COBL: variants seen among roughly 807,000 people sequenced by gnomAD.
COBL encodes the protein cordon-bleu WH2 repeat protein, also known as protein cordon-bleu.
A neutral mutation model predicts 98.8 loss-of-function variants in COBL; 51 were observed. The observed-to-expected ratio is 0.52, with a 90% CI of 0.41 to 0.65. COBL has a LOEUF of 0.65. Ranked by LOEUF, COBL falls within the 30% of genes least tolerant of loss-of-function variation. COBL has a pLI of 0.00. For synonymous variants in COBL, 634 were observed against 651.7 expected, an observed-to-expected ratio of 0.97 and a Z score of 0.41; for missense variants, 1,617 against 1,617.5, an observed-to-expected ratio of 1.00 and a Z score of 0.01.
At chr7:51,260,134 C>A in intron 1 of COBL, 1 of 1,428,892 alleles carries the variant, frequency 7.0e-7, no homozygotes, top group Non-Finnish European at 9.7e-7. Flanking sequence ...TTTTCTGGAA[C>A]CAAAGGGATT....
chr7:51,083,033 T>C, intron 7 of COBL: 1 of 1,534,598 alleles, frequency 6.5e-7, no homozygotes, highest in Non-Finnish European at 8.7e-7. Context: ...GTTAACACAG[T>C]CGGAATGAAG....
At chr7:51,057,644 C>G (rs1259238999) in intron 7 of COBL, among the ~76,000 whole-genome samples, 1 of 152,156 alleles carries the variant, frequency 6.6e-6, no homozygotes, top group African/African-American at 2.4e-5. Context: ...GACTACACAG[C>G]CAGCAAATTA....
At chr7:51,060,467 A>C (rs568575394) in intron 7 of COBL, among the ~76,000 whole-genome samples, 1 of 152,266 alleles carries the variant, frequency 6.6e-6, no homozygotes, top group East Asian at 1.9e-4. Flanking sequence ...ACTACCTTGA[A>C]GCAGCTGGTT....
chr7:51,284,743 C>T (rs184410629), intron 1 of COBL, among the ~76,000 whole-genome samples: 28 of 150,916 alleles, frequency 1.9e-4, no homozygotes, highest in African/African-American at 6.3e-4. Context: ...AGGAGAATCA[C>T]TTGAACCCAG....
chr7:51,077,176 G>A (rs1793174179), intron 7 of COBL, among the ~76,000 whole-genome samples: 1 of 152,194 alleles, frequency 6.6e-6, no homozygotes, highest in South Asian at 2.1e-4. Flanking sequence ...TAAAGCATCT[G>A]TGTACATGAT....
intron 4 of COBL, among the ~76,000 whole-genome samples, chr7:51,186,521 C>T (rs1469493575): frequency 6.6e-6 from 1 of 152,216 alleles, no homozygotes; most frequent in Non-Finnish European, 1.5e-5. Flanking sequence ...CCTGTTGTTT[C>T]TCTTCTTGAA....
At chr7:51,212,632 C>T (rs1373801757) in intron 2 of COBL, among the ~76,000 whole-genome samples, 1 of 152,208 alleles carries the variant, frequency 6.6e-6, no homozygotes, top group Non-Finnish European at 1.5e-5. Context: ...CCTACAGTCC[C>T]CCTGTTCATG....
At chr7:51,294,983 G>A (rs1801284588) in intron 1 of COBL, among the ~76,000 whole-genome samples, 2 of 152,110 alleles carry the variant, frequency 1.3e-5, no homozygotes, top group South Asian at 2.1e-4. Context: ...TAATGCATGA[G>A]GGGCTTAAAA....
intron 1 of COBL, among the ~76,000 whole-genome samples, chr7:51,314,502 T>C (rs1803346279): frequency 6.6e-6 from 1 of 152,222 alleles, no homozygotes; most frequent in African/African-American, 2.4e-5. Flanking sequence ...CTAACCTTTA[T>C]AATTAGCAAG....
chr7:51,058,883 CTTA>C (rs1180810781), intron 7 of COBL, among the ~76,000 whole-genome samples: 1 of 152,242 alleles, frequency 6.6e-6, no homozygotes, highest in Non-Finnish European at 1.5e-5. Flanking sequence ...TCAGCGTCAT[CTTA>C]TTATCCCAGG....
chr7:51,049,794 C>G (rs547933513), intron 7 of COBL, among the ~76,000 whole-genome samples: 58 of 152,314 alleles, frequency 3.8e-4, no homozygotes, highest in African/African-American at 1.3e-3. Context: ...TGTGTGCACA[C>G]ACGGGTGTGC....
At chr7:51,072,119 C>A (rs1792616199) in intron 7 of COBL, 1 of 151,292 alleles carries the variant, frequency 6.6e-6, no homozygotes, top group African/African-American at 2.4e-5. Flanking sequence ...GGCAACAATC[C>A]TACATGTCAG....
chr7:51,027,483 G>T (rs982445185), intron 10 of COBL, among the ~76,000 whole-genome samples: 1 of 152,254 alleles, frequency 6.6e-6, no homozygotes, highest in African/African-American at 2.4e-5. Context: ...GGGGCCTGAA[G>T]TCAGTGTGGA....
intron 5 of COBL, among the ~76,000 whole-genome samples, chr7:51,152,492 T>C (rs917244749): frequency 7.2e-5 from 11 of 152,060 alleles, no homozygotes; most frequent in Non-Finnish European, 1.3e-4. Context: ...ATAGAAACCA[T>C]CTCTGTCCAG....
At chr7:51,308,067 G>A (rs779106065) in intron 1 of COBL, among the ~76,000 whole-genome samples, 1 of 152,194 alleles carries the variant, frequency 6.6e-6, no homozygotes, top group Non-Finnish European at 1.5e-5. Flanking sequence ...ATAGGTGGGC[G>A]GACGGGAAAG....
At chr7:51,231,592 G>A (rs1794763270) in intron 1 of COBL, among the ~76,000 whole-genome samples, 2 of 152,194 alleles carry the variant, frequency 1.3e-5, no homozygotes, top group Admixed American at 1.3e-4. Flanking sequence ...AGCGCCAGAG[G>A]GTGGCTGGCC....
Position 51,016,722 on chromosome 7 carries a change from T to G in COBL, c.*829A>C. 1 of 381,628 alleles carries G rather than the reference T, an allele frequency of 2.6e-6. No individual in the cohort carries two copies. The highest frequency in any genetic ancestry group is 3.7e-5 in the East Asian group (1 of 26,866). The allele number at this position is 381,628 out of a possible 1,614,324, so 23.6% of individuals were successfully genotyped here. On this transcript the variant is annotated 3_prime_UTR_variant, in exon 13 of 13. Transcript: ENST00000265136. The stretch of plus-strand genomic sequence containing the variant: ...GGATTCCAGAAGGCTCCCAGTGAAG[T>G]CATCAGGCTCCGTACACAGGCACCG...
intron 2 of COBL, among the ~76,000 whole-genome samples, chr7:51,210,079 C>T (rs1327269731): frequency 6.6e-6 from 1 of 152,144 alleles, no homozygotes; most frequent in African/African-American, 2.4e-5. Context: ...TAATTGAGTG[C>T]CCAAATCTCC....
At position 51,085,158 on chromosome 7, in the gene COBL, T is replaced by C. The variant is rs1273794862; in HGVS notation, c.1096+8A>G. 6.2e-7 allele frequency: 1 copy of C among 1,613,574 alleles called. No homozygotes were observed. The highest frequency in any genetic ancestry group is 1.3e-5 in the African/African-American group (1 of 74,860). On this transcript the variant is annotated splice_region_variant and intron_variant, in intron 7 of 12. Transcript: ENST00000265136. ...CCGCATGCAGACGGCAGGCCGAGCC[T>C]CACTCACCCATCGTGCTCTTCCTGT...
Sources: gnomAD v4.1 joint callset for allele counts (sites outside exome capture counted in the v4.1 genomes callset) on GRCh38, gnomAD v4.1.1 for gene constraint, MANE v1.5 for transcripts, NCBI Gene and HGNC (gene_info 2026-07-23, HGNC 2026-07-21) for gene names.